The following SPAM1 variants were observed in gnomAD, a reference collection of about 807,000 sequenced individuals.
SPAM1 encodes the protein sperm adhesion molecule 1.
In SPAM1, 22 loss-of-function variants were observed where a neutral mutation model predicts 29.6. The observed-to-expected ratio is 0.74, with a 90% confidence interval of 0.53 to 1.06. The LOEUF (loss-of-function observed/expected upper bound fraction) is 1.06. Among genes scored for constraint, SPAM1 ranks in the 50% least tolerant of loss-of-function variants. SPAM1 has a pLI of 0.00. For missense variants in SPAM1, 534 were observed against 604.0 expected, an observed-to-expected ratio of 0.88 and a Z score of 1.21; for synonymous variants, 194 against 204.6, an observed-to-expected ratio of 0.95 and a Z score of 0.44.
chr7:123,938,221 G>A (rs2117032794), intron 1 of SPAM1, among the ~76,000 whole-genome samples: 1 of 152,154 alleles, frequency 6.6e-6, no homozygotes, highest in East Asian at 1.9e-4. Flanking sequence ...TCTGGCTTCA[G>A]CTTTCCAAGC....
At chr7:123,937,516 GAT>G (rs1376291356) in intron 1 of SPAM1, among the ~76,000 whole-genome samples, 221 of 148,176 alleles carry the variant, frequency 1.5e-3, no homozygotes, top group Non-Finnish European at 1.7e-3. Context: ...CAGGAGAATG[GAT>G]TGAACCCGGG....
intron 1 of SPAM1, among the ~76,000 whole-genome samples, chr7:123,946,205 C>T (rs982357274): frequency 6.6e-6 from 1 of 152,148 alleles, no homozygotes; most frequent in African/African-American, 2.4e-5. Flanking sequence ...AGCAGAAAAA[C>T]TTGCCTTCCT....
chr7:123,970,764 C>A (rs1353092377), intron 6 of SPAM1, among the ~76,000 whole-genome samples: 2 of 151,794 alleles, frequency 1.3e-5, no homozygotes, highest in African/African-American at 4.8e-5. Context: ...TATATGAATG[C>A]ATGCATTACA....
Position 123,958,282 on chromosome 7 carries a change from T to C in SPAM1, c.1045-1202T>C, listed in dbSNP as rs1227172355. 2.0e-5 allele frequency among the ~76,000 whole-genome samples: 3 copies of C among 151,950 alleles called. No homozygotes were observed. In the East Asian group the frequency reaches 5.8e-4, roughly 29 times the overall value. On this transcript the variant is annotated intron_variant, in intron 4 of 4. Transcript: ENST00000682466. ...CCACCTCACTCAATGGAACTGTTGA[T>C]TATGAAAAAAAGTGATCAACTTCAA...
At chr7:123,969,203 AACTGTTT>A (rs1425996271) in intron 5 of SPAM1, among the ~76,000 whole-genome samples, 1 of 151,962 alleles carries the variant, frequency 6.6e-6, no homozygotes, top group African/African-American at 2.4e-5. Context: ...TAGCCAGATG[AACTGTTT>A]ACAAATATTT....
intron 1 of SPAM1, among the ~76,000 whole-genome samples, chr7:123,937,956 T>C (rs1808307547): frequency 1.3e-5 from 2 of 152,210 alleles, no homozygotes; most frequent in Admixed American, 1.3e-4. Context: ...GTTTCTAGTG[T>C]TGTTTTGTGG....
At chr7:123,955,975 T>C (rs1019506975) in intron 4 of SPAM1, among the ~76,000 whole-genome samples, 2 of 151,952 alleles carry the variant, frequency 1.3e-5, no homozygotes, top group Non-Finnish European at 2.9e-5. Flanking sequence ...TCAAATGTCC[T>C]ATTATTTAAA....
At chr7:123,928,737 G>T (rs1807973516) in intron 1 of SPAM1, among the ~76,000 whole-genome samples, 1 of 152,176 alleles carries the variant, frequency 6.6e-6, no homozygotes, top group South Asian at 2.1e-4. Context: ...CTCTGAGGAA[G>T]TTGGGGTCTG....
rs149728215 is a variant in SPAM1, at chr7:123,959,764, G to A, written c.1325G>A (p.Ser442Asn). 5.0e-6 allele frequency: 8 copies of A among 1,613,168 alleles called. No homozygotes were observed. The highest frequency in any genetic ancestry group is 2.7e-5 in the African/African-American group (2 of 74,992). The change falls in exon 5 of 5, where the codon AGT becomes AAT. Residue 442 changes from serine to asparagine, a missense_variant. Transcript: ENST00000682466. ...TATTGCAGCTGTTATAGCACCTTGA[G>A]TTGTAAGGAGAAAGCTGATGTAAAA... is the stretch of plus-strand genomic sequence containing the variant. ...KFYCSCYSTL[S>N]CKEKADVKDT...
downstream of SPAM1, among the ~76,000 whole-genome samples, chr7:123,961,567 T>A (rs1792359626): frequency 6.6e-6 from 1 of 152,014 alleles, no homozygotes; most frequent in South Asian, 2.1e-4. Flanking sequence ...TCCATTCATC[T>A]GTTGATGGAC....
At chr7:123,937,620 C>T (rs552615037) in intron 1 of SPAM1, among the ~76,000 whole-genome samples, 6 of 138,418 alleles carry the variant, frequency 4.3e-5, no homozygotes, top group African/African-American at 7.9e-5. Flanking sequence ...AAAAAAAAGA[C>T]GCTTCATAGG....
chr7:123,950,765 T>C (rs1344069306), intron 2 of SPAM1, among the ~76,000 whole-genome samples: 1 of 152,090 alleles, frequency 6.6e-6, no homozygotes, highest in Non-Finnish European at 1.5e-5. Flanking sequence ...TTCTTTTCCT[T>C]TGAGTAGATA....
At chr7:123,949,261 G>A (rs1432904417) in intron 1 of SPAM1, among the ~76,000 whole-genome samples, 3 of 151,970 alleles carry the variant, frequency 2.0e-5, no homozygotes, top group African/African-American at 7.2e-5. Context: ...AATTGTATTT[G>A]TTTCCACTTT....
In SPAM1 at chr7:123,959,559, A is replaced by G. The variant is rs777487520; in HGVS notation, c.1120A>G (p.Lys374Glu). The change falls in exon 5 of 5, where the codon AAA (lysine) becomes GAA (glutamate). Residue 374 changes from lysine to glutamate, a missense_variant. By Grantham distance (56) the Lys-to-Glu change is moderately conservative (BLOSUM62 1). Transcript: ENST00000682466. ...PYIINVTLAA[K>E]MCSQVLCQEQ... ...CATAATCAACGTCACACTAGCAGCC[A>G]AAATGTGTAGCCAAGTGCTTTGCCA... 4.3e-6 allele frequency: 7 copies of G among 1,613,182 alleles called. No homozygotes were observed. The highest frequency in any genetic ancestry group is 3.4e-6 in the Non-Finnish European group (4 of 1,179,508).
At chr7:123,929,225 A>G (rs757542105) in intron 1 of SPAM1, among the ~76,000 whole-genome samples, 1 of 152,070 alleles carries the variant, frequency 6.6e-6, no homozygotes, top group Non-Finnish European at 1.5e-5. Context: ...GTACTTTTCA[A>G]CCTTAGACCA....
At chr7:123,932,539 A>T (rs1032913059) in intron 1 of SPAM1, 2 of 152,654 alleles carry the variant, frequency 1.3e-5, no homozygotes, top group Non-Finnish European at 2.9e-5. Context: ...GGACCAGAAA[A>T]AGTGTACAAG....
In SPAM1 at chr7:123,954,442, TACCTG is replaced by T. The variant is rs765285640; in HGVS notation, c.874_878del (p.Pro292CysfsTer17). 1.4e-5 allele frequency: 22 copies of T among 1,613,258 alleles called. No homozygotes were observed. The highest frequency in any genetic ancestry group is 1.9e-5 in the Non-Finnish European group (22 of 1,179,620). On this transcript the variant is annotated frameshift_variant, in exon 3 of 5. Coordinates refer to ENST00000682466, the MANE Select transcript of SPAM1 (RefSeq NM_153189.3). LOFTEE classifies it high-confidence loss of function. ...CGGGAAGCCATCAGAGTTTCCAAAA[TACCTG>T]ATGCAAAAAGTCCACTTCCGGTTTT...
downstream of SPAM1, among the ~76,000 whole-genome samples, chr7:123,964,427 G>A (rs1792397194): frequency 1.3e-5 from 2 of 151,658 alleles, no homozygotes; most frequent in South Asian, 2.1e-4. Flanking sequence ...TAAGGAAAAG[G>A]ATAAATATAC....
intron 1 of SPAM1, among the ~76,000 whole-genome samples, chr7:123,942,153 A>G (rs1808449562): frequency 1.3e-5 from 2 of 152,236 alleles, no homozygotes; most frequent in Non-Finnish European, 2.9e-5. Flanking sequence ...AAAAAAGCAC[A>G]GCTTAATTTT....
Sources: gnomAD v4.1 joint callset for allele counts (sites outside exome capture counted in the v4.1 genomes callset) on GRCh38, gnomAD v4.1.1 for gene constraint, MANE v1.5 for transcripts, NCBI Gene and HGNC (gene_info 2026-07-23, HGNC 2026-07-21) for gene names.